Variants in DMD observed in about 807,000 individuals in gnomAD.
DMD encodes the protein mutant dystrophin.
In DMD, 63 loss-of-function variants were observed where a neutral mutation model predicts 330.1. That is an observed-to-expected ratio of 0.19 (90% CI 0.16 to 0.24). DMD has a LOEUF of 0.24. Ranked by LOEUF, DMD falls within the 10% of genes least tolerant of loss-of-function variation. The probability of loss-of-function intolerance (pLI) is 1.00; values close to 1 mark genes in which losing one functional copy is unlikely to be tolerated. For missense variants in DMD, 3,344 were observed against 2,684.1 expected, an observed-to-expected ratio of 1.25 and a Z score of -5.43; for synonymous variants, 1,223 against 959.8, an observed-to-expected ratio of 1.27 and a Z score of -5.07.
intron 41 of DMD, among the ~76,000 whole-genome samples, chrX:32,333,518 CT>C (rs1195747662): frequency 3.6e-5 from 4 of 111,125 alleles, no homozygotes; most frequent in African/African-American, 1.3e-4. Flanking sequence ...TATTTCTTTG[CT>C]TTTTTTGGAT....
At chrX:32,570,000 T>A (rs1009052484) in intron 15 of DMD, among the ~76,000 whole-genome samples, 1 of 111,767 alleles carries the variant, frequency 8.9e-6, no homozygotes, top group Non-Finnish European at 1.9e-5. Flanking sequence ...AGTTTAAAAC[T>A]TAAATCAGTT....
chrX:31,479,445 G>A (rs1026035613), intron 57 of DMD, among the ~76,000 whole-genome samples: 8 of 111,678 alleles, frequency 7.2e-5, no homozygotes, highest in Non-Finnish European at 1.3e-4. Flanking sequence ...ACTCTAGCAT[G>A]GCTAATGAGG....
intron 48 of DMD, among the ~76,000 whole-genome samples, chrX:31,870,053 A>G (rs2093865756): frequency 9.0e-6 from 1 of 111,690 alleles, no homozygotes; most frequent in Non-Finnish European, 1.9e-5. Flanking sequence ...CAACAACAGA[A>G]ACCTGCTGAA....
chrX:32,504,307 T>G (rs2044384756), intron 18 of DMD, among the ~76,000 whole-genome samples: 2 of 112,017 alleles, frequency 1.8e-5, no homozygotes, highest in Non-Finnish European at 3.8e-5. Context: ...CTTTAAAATT[T>G]CAACATTGAA....
At chrX:32,061,920 C>A (rs781391908) in intron 44 of DMD, among the ~76,000 whole-genome samples, 1 of 111,256 alleles carries the variant, frequency 9.0e-6, no homozygotes, top group Non-Finnish European at 1.9e-5. Flanking sequence ...TCTTCAGAAG[C>A]ACATGAACTC....
intron 55 of DMD, among the ~76,000 whole-genome samples, chrX:31,579,121 A>G (rs2076232151): frequency 8.9e-6 from 1 of 112,188 alleles, no homozygotes; most frequent in Non-Finnish European, 1.9e-5. Flanking sequence ...ACTGAGGAAC[A>G]CTGCAGAGAA....
intron 12 of DMD, among the ~76,000 whole-genome samples, chrX:32,599,908 T>C (rs781125940): frequency 8.8e-4 from 99 of 112,088 alleles, no homozygotes; most frequent in Non-Finnish European, 1.7e-3. Flanking sequence ...TCAAATAATG[T>C]ATTTTTTTCT....
intron 1 of DMD, among the ~76,000 whole-genome samples, chrX:33,163,866 C>A (rs2048927075): frequency 1.8e-5 from 2 of 110,504 alleles, no homozygotes; most frequent in Admixed American, 9.7e-5. Flanking sequence ...TCCTCATGAG[C>A]CTCTGCTACC....
At chrX:32,603,614 G>C (rs2056416537) in intron 12 of DMD, among the ~76,000 whole-genome samples, 1 of 110,983 alleles carries the variant, frequency 9.0e-6, no homozygotes, top group Admixed American at 9.6e-5. Flanking sequence ...CCACTAGCTA[G>C]ATTAACCAAG....
At chrX:32,553,342 A>G (rs2049800531) in intron 16 of DMD, among the ~76,000 whole-genome samples, 1 of 111,359 alleles carries the variant, frequency 9.0e-6, no homozygotes, top group African/African-American at 3.3e-5. Context: ...TCTCACTTCT[A>G]AGTGGGAGAT....
At chrX:31,721,792 G>A in intron 52 of DMD, among the ~76,000 whole-genome samples, 1 of 94,752 alleles carries the variant, frequency 1.1e-5, no homozygotes, top group East Asian at 3.3e-4. Flanking sequence ...AGAGACAGCA[G>A]CATTCTAAAC....
intron 7 of DMD, among the ~76,000 whole-genome samples, chrX:32,750,337 T>C (rs2070649615): frequency 1.8e-5 from 2 of 111,742 alleles, no homozygotes; most frequent in Non-Finnish European, 3.8e-5. Flanking sequence ...GGAGAAAAAC[T>C]TCCCGTGTTT....
chrX:31,297,785 G>A (rs187723404), intron 62 of DMD, among the ~76,000 whole-genome samples: 74 of 112,064 alleles, frequency 6.6e-4, no homozygotes, highest in Non-Finnish European at 6.6e-4. Context: ...AGATTGGATC[G>A]CCATTAGAAA....
chrX:31,128,787 C>T (rs2034087366), intron 77 of DMD, among the ~76,000 whole-genome samples: 1 of 111,211 alleles, frequency 9.0e-6, no homozygotes, highest in Non-Finnish European at 1.9e-5. Flanking sequence ...TCACTTGGGT[C>T]CCCACGTACT....
chrX:31,411,183 A>G (rs1351055363), intron 60 of DMD, among the ~76,000 whole-genome samples: 1 of 111,233 alleles, frequency 9.0e-6, no homozygotes, highest in Non-Finnish European at 1.9e-5. Flanking sequence ...TTCCTTACTT[A>G]CAATGATTGT....
intron 7 of DMD, among the ~76,000 whole-genome samples, chrX:32,710,665 C>A (rs1186994974): frequency 9.0e-6 from 1 of 110,816 alleles, no homozygotes; most frequent in Admixed American, 9.7e-5. Flanking sequence ...ATAATATTGA[C>A]TGATATCTAC....
chrX:32,111,149 C>T (rs2096587587), intron 44 of DMD, among the ~76,000 whole-genome samples: 1 of 112,031 alleles, frequency 8.9e-6, no homozygotes, highest in African/African-American at 3.2e-5. Flanking sequence ...TCCATTTTCA[C>T]ATACGCATGC....
intron 48 of DMD, among the ~76,000 whole-genome samples, chrX:31,844,186 C>G (rs1472844559): frequency 9.0e-6 from 1 of 111,631 alleles, no homozygotes; most frequent in Admixed American, 9.5e-5. Flanking sequence ...AATCTTTAAT[C>G]CATCTTGAGT....
chrX:32,261,838 G>A (rs1478202372), intron 43 of DMD, among the ~76,000 whole-genome samples: 1 of 111,582 alleles, frequency 9.0e-6, no homozygotes, highest in Non-Finnish European at 1.9e-5. Flanking sequence ...TTTTTTCGTG[G>A]AGTGGGTAAT....
Sources: gnomAD v4.1 joint callset for allele counts (sites outside exome capture counted in the v4.1 genomes callset) on GRCh38, gnomAD v4.1.1 for gene constraint, MANE v1.5 for transcripts, NCBI Gene and HGNC (gene_info 2026-07-23, HGNC 2026-07-21) for gene names.